Variants in MYO18B observed in about 807,000 individuals in gnomAD.
MYO18B encodes the protein myosin XVIIIB, also known as unconventional myosin-XVIIIb.
A neutral mutation model predicts 273.0 loss-of-function variants in MYO18B; 204 were observed. The ratio of observed to expected loss-of-function variants is 0.75; its 90% CI spans 0.67 to 0.84. MYO18B has a LOEUF of 0.84. Ranked by LOEUF, MYO18B falls within the 40% of genes least tolerant of loss-of-function variation. The pLI, the probability that MYO18B is intolerant of heterozygous loss-of-function variation, is 0.00. For missense variants in MYO18B, 3,212 were observed against 3,287.6 expected, an observed-to-expected ratio of 0.98 and a Z score of 0.56; for synonymous variants, 1,330 against 1,305.7, an observed-to-expected ratio of 1.02 and a Z score of -0.40.
At chr22:25,971,811 A>G (rs537674345) in intron 39 of MYO18B, among the ~76,000 whole-genome samples, 1 of 152,356 alleles carries the variant, frequency 6.6e-6, no homozygotes, top group Non-Finnish European at 1.5e-5. Context: ...TCTGTAAGCC[A>G]AAGACATGGC....
At chr22:25,913,866 G>A (rs748844531) in intron 33 of MYO18B, among the ~76,000 whole-genome samples, 10 of 152,092 alleles carry the variant, frequency 6.6e-5, no homozygotes, top group South Asian at 4.2e-4. Flanking sequence ...TAATACAGTC[G>A]TGTTAATCAA....
chr22:25,919,600 A>G (rs1231056511), intron 33 of MYO18B, among the ~76,000 whole-genome samples: 1 of 152,228 alleles, frequency 6.6e-6, no homozygotes, highest in Non-Finnish European at 1.5e-5. Flanking sequence ...CACAGGAGTT[A>G]AATGCAATAA....
chr22:25,857,649 G>A (rs944754909), intron 21 of MYO18B, among the ~76,000 whole-genome samples: 6 of 152,064 alleles, frequency 3.9e-5, no homozygotes, highest in African/African-American at 1.4e-4. Flanking sequence ...TCCAGTTTGG[G>A]TCTATTGTTT....
At chr22:25,829,888 A>G (rs1170438963) in intron 15 of MYO18B, among the ~76,000 whole-genome samples, 1 of 151,942 alleles carries the variant, frequency 6.6e-6, no homozygotes, top group African/African-American at 2.4e-5. Flanking sequence ...AAAATTTACA[A>G]AGAAAAGTGC....
chr22:25,944,264 T>G (rs2092678884), intron 34 of MYO18B, among the ~76,000 whole-genome samples: 1 of 152,174 alleles, frequency 6.6e-6, no homozygotes, highest in Non-Finnish European at 1.5e-5. Context: ...ATCAATTTTC[T>G]CAGTGTGTCT....
At chr22:25,792,498 T>TTTTTTTC (rs2087717962) in intron 11 of MYO18B, among the ~76,000 whole-genome samples, 2 of 17,598 alleles carry the variant, frequency 1.1e-4, no homozygotes, top group South Asian at 1.7e-3. Context: ...TTTTCTTTTC[T>TTTTTTTC]TTTTTTTTTT....
intron 42 of MYO18B, among the ~76,000 whole-genome samples, chr22:26,017,369 TTCCTCCCTCCCC>T (rs1935443815): frequency 6.6e-6 from 1 of 151,868 alleles, no homozygotes; most frequent in South Asian, 2.1e-4. Context: ...CCTCCCTTCC[TTCCTCCCTCCCC>T]TCCTCCTTCC....
chr22:25,990,686 C>CAAAAAAAAAAAAAAAAAAAAAAAAAAA (rs745998234), intron 39 of MYO18B, among the ~76,000 whole-genome samples: 1 of 27,014 alleles, frequency 3.7e-5, no homozygotes, highest in African/African-American at 1.3e-4. Flanking sequence ...GACTTTGTCT[C>CAAAAAAAAAAAAAAAAAAAAAAAAAAA]AAAAAAAAAA....
chr22:25,945,229 T>G (rs980530036), intron 34 of MYO18B, among the ~76,000 whole-genome samples: 15 of 152,128 alleles, frequency 9.9e-5, no homozygotes, highest in African/African-American at 2.9e-4. Context: ...TTAAGAAACT[T>G]CCACTTGGCT....
chr22:25,855,817 C>T (rs1268861457), intron 21 of MYO18B, among the ~76,000 whole-genome samples: 1 of 150,192 alleles, frequency 6.7e-6, no homozygotes, highest in East Asian at 2.0e-4. Context: ...GAAGACCCTA[C>T]TTTCTTTCTT....
intron 42 of MYO18B, among the ~76,000 whole-genome samples, chr22:26,010,499 A>G (rs1601825570): frequency 1.3e-5 from 2 of 152,202 alleles, no homozygotes. Flanking sequence ...CCTGACTATG[A>G]GCAAGTTACA....
the MYO18B span, among the ~76,000 whole-genome samples, chr22:26,048,914 G>T: frequency 6.6e-6 from 1 of 152,216 alleles, no homozygotes; most frequent in Non-Finnish European, 1.5e-5. Flanking sequence ...CACCAACAGT[G>T]GTAGAAGTGT....
chr22:26,028,250 G>GA (rs199530121), intron 43 of MYO18B: 1,709 of 130,482 alleles, frequency 0.013, 19 homozygotes, highest in Admixed American at 0.032. Flanking sequence ...CTGTCTCAGG[G>GA]AAAAAAAAAA....
At chr22:25,839,903 T>C (rs1036449068) in intron 17 of MYO18B, among the ~76,000 whole-genome samples, 1 of 152,206 alleles carries the variant, frequency 6.6e-6, no homozygotes, top group Non-Finnish European at 1.5e-5. Context: ...ATGGCAGTCC[T>C]GGTGAAACCC....
chr22:25,773,042 T>C (rs915670585), intron 7 of MYO18B, among the ~76,000 whole-genome samples: 1 of 152,090 alleles, frequency 6.6e-6, no homozygotes, highest in African/African-American at 2.4e-5. Context: ...GAAGCTTCAG[T>C]TGTACTTTAG....
intron 1 of MYO18B, among the ~76,000 whole-genome samples, chr22:25,744,766 G>A (rs1423476680): frequency 6.6e-6 from 1 of 152,104 alleles, no homozygotes; most frequent in Non-Finnish European, 1.5e-5. Flanking sequence ...TAAACAAAAT[G>A]AAATTAAATT....
In MYO18B at chr22:25,768,876, T is replaced by C; in HGVS notation, c.960T>C (p.Gly320=). The change falls in exon 4 of 44, where the codon GGT becomes GGC. Residue 320 remains glycine (G), a synonymous_variant. Transcript: ENST00000335473. The part of the protein sequence containing the change: ...RPQIPGRKWG[G]FLGRRSKWDG... ...AAATCCCTGGGAGAAAGTGGGGAGG[T>C]TTCCTGGGAAGAAGGAGTAAGTGGG... 2 of 1,612,790 alleles carry C rather than the reference T, an allele frequency of 1.2e-6. No individual in the cohort carries two copies. The highest frequency in any genetic ancestry group is 1.7e-6 in the Non-Finnish European group (2 of 1,179,474).
At chr22:25,811,924 A>T (rs2088779923) in intron 12 of MYO18B, among the ~76,000 whole-genome samples, 1 of 151,908 alleles carries the variant, frequency 6.6e-6, no homozygotes, top group Non-Finnish European at 1.5e-5. Flanking sequence ...CACCCAATTC[A>T]CCTCCCTGGA....
At chr22:25,911,669 C>T (rs930503770) in intron 33 of MYO18B, among the ~76,000 whole-genome samples, 4 of 152,220 alleles carry the variant, frequency 2.6e-5, no homozygotes, top group Non-Finnish European at 5.9e-5. Context: ...ACGCAGCATC[C>T]CTGACCTCTA....
Sources: allele counts gnomAD v4.1 joint callset (sites outside exome capture counted in the v4.1 genomes callset), GRCh38; gene constraint gnomAD v4.1.1; transcripts MANE v1.5; gene names NCBI Gene and HGNC (gene_info 2026-07-23, HGNC 2026-07-21).